ANO2: variants seen among roughly 807,000 people sequenced by gnomAD.
ANO2 encodes the protein anoctamin 2, also known as anoctamin-2.
A neutral mutation model predicts 124.2 loss-of-function variants in ANO2; 101 were observed. The observed-to-expected ratio is 0.81, with a 90% confidence interval of 0.69 to 0.96. ANO2 has a LOEUF of 0.96. Among genes scored for constraint, ANO2 ranks in the 40% least tolerant of loss-of-function variants. The pLI is 0.00. For missense variants in ANO2, 1,293 were observed against 1,274.5 expected, an observed-to-expected ratio of 1.01 and a Z score of -0.22; for synonymous variants, 486 against 482.5, an observed-to-expected ratio of 1.01 and a Z score of -0.09.
At chr12:5,890,800 C>T (rs941909835) in intron 3 of ANO2, among the ~76,000 whole-genome samples, 2 of 152,190 alleles carry the variant, frequency 1.3e-5, no homozygotes. Flanking sequence ...ACATCTTTTC[C>T]TCCAGTGACT....
chr12:5,856,971 C>T (rs1345558276), intron 3 of ANO2, among the ~76,000 whole-genome samples: 1 of 152,158 alleles, frequency 6.6e-6, no homozygotes, highest in African/African-American at 2.4e-5. Flanking sequence ...TGGATCTAGT[C>T]ATGTTCCTTT....
intron 4 of ANO2, 44 bp downstream of exon 4, chr12:5,853,999 C>T (rs193274780): frequency 5.2e-6 from 8 of 1,546,012 alleles, no homozygotes; most frequent in Non-Finnish European, 7.1e-6. Context: ...TTGCATCCAT[C>T]CAGCCCTCAG....
intron 15 of ANO2, among the ~76,000 whole-genome samples, chr12:5,645,464 T>C (rs1946592700): frequency 6.6e-6 from 1 of 152,204 alleles, no homozygotes; most frequent in South Asian, 2.1e-4. Context: ...TATATACACA[T>C]ATATACATGG....
chr12:5,690,618 G>A (rs1948889253), intron 14 of ANO2, among the ~76,000 whole-genome samples: 1 of 152,152 alleles, frequency 6.6e-6, no homozygotes, highest in Admixed American at 6.5e-5. Context: ...CTTCCCAGGG[G>A]CACCTTAAGC....
intron 3 of ANO2, among the ~76,000 whole-genome samples, chr12:5,896,619 T>C (rs1591758384): frequency 6.6e-6 from 1 of 152,184 alleles, no homozygotes; most frequent in African/African-American, 2.4e-5. Flanking sequence ...ACTAACACTG[T>C]GTAGAGATAT....
At position 5,612,896 on chromosome 12, in the gene ANO2, C is replaced by T. The variant is rs763582568; in HGVS notation, c.1986+5G>A. The T allele has an allele frequency of 6.2e-7, 1 of 1,613,924 alleles. No homozygotes were observed. The highest frequency in any genetic ancestry group is 8.5e-7 in the Non-Finnish European group (1 of 1,179,838). On this transcript the variant is annotated splice_donor_5th_base_variant and intron_variant, in intron 18 of 24. Transcript: ENST00000682330. Reference sequence around the variant, plus strand: ...CAGGCATGAAACACCAGTGGCTGTACTTGCCTCTTCCATGCGGTAACCATC... The same window carrying T: ...CAGGCATGAAACACCAGTGGCTGTATTTGCCTCTTCCATGCGGTAACCATC...
intron 10 of ANO2, among the ~76,000 whole-genome samples, chr12:5,797,153 T>C (rs956472201): frequency 6.6e-6 from 1 of 152,138 alleles, no homozygotes; most frequent in Non-Finnish European, 1.5e-5. Flanking sequence ...TGGTAGTAAG[T>C]AGTCATGGAG....
At chr12:5,861,480 A>G (rs1490044896) in intron 3 of ANO2, among the ~76,000 whole-genome samples, 1 of 152,224 alleles carries the variant, frequency 6.6e-6, no homozygotes, top group African/African-American at 2.4e-5. Flanking sequence ...GTGGATAAAC[A>G]AGACAACGTC....
intron 4 of ANO2, among the ~76,000 whole-genome samples, chr12:5,843,336 G>A (rs566452538): frequency 3.3e-5 from 5 of 152,190 alleles, no homozygotes; most frequent in Admixed American, 1.3e-4. Flanking sequence ...GATCACTTGC[G>A]GTCAGGAGTT....
chr12:5,717,411 G>T (rs866699036), intron 14 of ANO2, among the ~76,000 whole-genome samples: 1 of 152,228 alleles, frequency 6.6e-6, no homozygotes, highest in African/African-American at 2.4e-5. Context: ...AAGACCCCAA[G>T]GGAGTTGGTT....
chr12:5,777,358 T>C (rs1249045777), intron 10 of ANO2, among the ~76,000 whole-genome samples: 1 of 152,176 alleles, frequency 6.6e-6, no homozygotes, highest in East Asian at 1.9e-4. Context: ...TCACCTCATG[T>C]TGATGATACA....
At chr12:5,755,555 C>G (rs376272578) in intron 10 of ANO2, among the ~76,000 whole-genome samples, 8 of 152,066 alleles carry the variant, frequency 5.3e-5, no homozygotes, top group African/African-American at 1.4e-4. Context: ...TCCCTCCCCC[C>G]TCTCCCCACC....
chr12:5,639,284 C>T (rs776548492), intron 15 of ANO2, among the ~76,000 whole-genome samples: 6 of 152,156 alleles, frequency 3.9e-5, no homozygotes, highest in South Asian at 2.1e-4. Context: ...ACTTCATCAT[C>T]GACATAGTAC....
chr12:5,595,215 T>C (rs1170562732), intron 20 of ANO2, among the ~76,000 whole-genome samples: 1 of 152,208 alleles, frequency 6.6e-6, no homozygotes, highest in Non-Finnish European at 1.5e-5. Flanking sequence ...TTGTTTTTTT[T>C]AGAGATGGGG....
intron 6 of ANO2, among the ~76,000 whole-genome samples, chr12:5,828,068 AAATG>A (rs1954038180): frequency 6.6e-6 from 1 of 152,208 alleles, no homozygotes; most frequent in Non-Finnish European, 1.5e-5. Context: ...TGAGAAAAAC[AAATG>A]AATAAAAGGC....
At chr12:5,612,796 A>C (rs3741837) in intron 18 of ANO2, 40 bp from the exon 19 acceptor site, 337,131 of 1,611,728 alleles carry the variant, frequency 0.21, 36,710 homozygotes, top group Non-Finnish European at 0.23. Context: ...TTAGAACAAA[A>C]GGGAGCTCTG....
At position 5,636,151 on chromosome 12, in the gene ANO2, C is replaced by T. The variant is rs945857081; in HGVS notation, c.1621-804G>A. ...AAAAGGAGGGTTATAGCCACGTGAC[C>T]TCTAAGGGTTCCCCTCATTTCCTCT... On this transcript the variant is annotated intron_variant, in intron 15 of 24. Transcript: ENST00000682330. The surrounding 1 kb of genome is among the most constrained non-coding windows in gnomAD (Gnocchi z 4.6). Among the ~76,000 whole-genome samples, 23 of 152,144 alleles carry T rather than the reference C, an allele frequency of 1.5e-4. No homozygotes were observed. Among genetic ancestry groups the T allele is most frequent in the African/African-American group, 5.6e-4 (23 of 41,432 alleles).
intron 19 of ANO2, among the ~76,000 whole-genome samples, chr12:5,602,359 T>A (rs1943983487): frequency 6.6e-6 from 1 of 151,958 alleles, no homozygotes; most frequent in South Asian, 2.1e-4. Context: ...CAAGCTATCA[T>A]CCCACCTCAG....
chr12:5,603,997 G>C (rs1591713042), intron 19 of ANO2, among the ~76,000 whole-genome samples: 1 of 150,654 alleles, frequency 6.6e-6, no homozygotes, highest in African/African-American at 2.4e-5. Flanking sequence ...TTGAAAGGTA[G>C]TGTAGGCTCA....
Sources: allele counts gnomAD v4.1 joint callset (sites outside exome capture counted in the v4.1 genomes callset), GRCh38; gene constraint gnomAD v4.1.1; non-coding constraint Gnocchi (gnomAD v3.1); transcripts MANE v1.5; gene names NCBI Gene and HGNC (gene_info 2026-07-23, HGNC 2026-07-21).